ADGRE3: variants seen among roughly 807,000 people sequenced by gnomAD.
ADGRE3 encodes the protein adhesion G protein-coupled receptor E3, also known as EGF-like module receptor 3.
Under a neutral mutation model 80.1 loss-of-function variants are expected in ADGRE3, and 88 were observed. The observed-to-expected ratio is 1.10, with a 90% confidence interval of 0.93 to 1.31. The LOEUF (loss-of-function observed/expected upper bound fraction) is 1.31, where lower values mean the gene tolerates loss of function less well. Among genes scored for constraint, ADGRE3 ranks in the 40% most tolerant of loss-of-function variants. The probability of loss-of-function intolerance (pLI) is 0.00; values close to 1 mark genes in which losing one functional copy is unlikely to be tolerated. For synonymous variants in ADGRE3, 281 were observed against 294.8 expected (o/e 0.95, Z 0.48); for missense variants, 715 against 776.5 (o/e 0.92, Z 0.94).
At position 14,649,145 on chromosome 19, in the gene ADGRE3, T is replaced by C. The variant is rs1358400478; in HGVS notation, c.698-1780A>G. Among the ~76,000 whole-genome samples the C allele has an allele frequency of 2.7e-5, 4 of 149,672 alleles. No homozygotes were observed. In the East Asian group the frequency reaches 8.0e-4, roughly 30 times the overall value. On this transcript the variant is annotated intron_variant, in intron 7 of 15. Coordinates refer to ENST00000253673, the MANE Select transcript of ADGRE3 (RefSeq NM_032571.5). ...CGAATTCCGTCTCTCTCTCCACATC[T>C]CTCTCTTTCCATCTCTCTCCCCATC...
chr19:14,670,738 T>G (rs1972233362), intron 1 of ADGRE3, among the ~76,000 whole-genome samples: 1 of 152,204 alleles, frequency 6.6e-6, no homozygotes, highest in African/African-American at 2.4e-5. Context: ...ATCTCTGCTT[T>G]TCAGATTAAG....
intron 15 of ADGRE3, 121 bp from the exon 16 acceptor site, chr19:14,619,592 T>C (rs891909646): frequency 1.9e-5 from 14 of 740,446 alleles, no homozygotes; most frequent in Admixed American, 4.6e-5. Flanking sequence ...CAGGCAAGGA[T>C]GGCATGATCT....
downstream of ADGRE3, among the ~76,000 whole-genome samples, chr19:14,618,223 A>G (rs573483274): frequency 6.6e-6 from 1 of 152,236 alleles, no homozygotes; most frequent in Non-Finnish European, 1.5e-5. Flanking sequence ...CGATTACCTC[A>G]TATAACTTTT....
At chr19:14,672,531 G>A (rs1306909234) in intron 1 of ADGRE3, among the ~76,000 whole-genome samples, 1 of 152,202 alleles carries the variant, frequency 6.6e-6, no homozygotes, top group Non-Finnish European at 1.5e-5. Context: ...GTCCTCCACT[G>A]ATACTGGCTG....
chr19:14,609,508 C>T, the ADGRE3 span, among the ~76,000 whole-genome samples: 1 of 152,140 alleles, frequency 6.6e-6, no homozygotes. Flanking sequence ...AAGAAAGAGT[C>T]CTTGGAAGAC....
At chr19:14,605,455 T>C in the ADGRE3 span, among the ~76,000 whole-genome samples, 1 of 152,152 alleles carries the variant, frequency 6.6e-6, no homozygotes, top group Admixed American at 6.6e-5. Context: ...TAGATGTGAT[T>C]TGCATATAGT....
At chr19:14,673,896 T>C (rs1972319471) in intron 1 of ADGRE3, among the ~76,000 whole-genome samples, 1 of 152,146 alleles carries the variant, frequency 6.6e-6, no homozygotes, top group Non-Finnish European at 1.5e-5. Flanking sequence ...CCCTCAGCCT[T>C]CCCAGTCTTC....
At chr19:14,651,813 AG>A (rs1376651758) in intron 6 of ADGRE3, among the ~76,000 whole-genome samples, 1 of 152,100 alleles carries the variant, frequency 6.6e-6, no homozygotes, top group African/African-American at 2.4e-5. Context: ...AGGCCATGGC[AG>A]GTGGATTGCT....
chr19:14,611,269 A>C, the ADGRE3 span: 1 of 150,020 alleles, frequency 6.7e-6, no homozygotes, highest in Non-Finnish European at 1.5e-5. Flanking sequence ...CATCAAAATT[A>C]TTTTTGACCA....
At chr19:14,657,418 CTT>C (rs1206358398) in intron 5 of ADGRE3, among the ~76,000 whole-genome samples, 6 of 152,006 alleles carry the variant, frequency 3.9e-5, no homozygotes, top group African/African-American at 7.2e-5. Context: ...TATACTCTCT[CTT>C]GGCCTGTCTT....
rs745334443 is a variant in ADGRE3, at chr19:14,647,301, A to T, written c.762T>A (p.Phe254Leu). The change falls in exon 8 of 16, where the codon TTT becomes TTA. Residue 254 changes from phenylalanine (F) to leucine (L), a missense_variant. Transcript: ENST00000253673. ...CTTGATCTTTCTTATCCATCTCTTCAAAAAAAGTTGCATTTATGATGTTTC... is the reference window on the plus strand; with the variant it reads ...CTTGATCTTTCTTATCCATCTCTTCTAAAAAAGTTGCATTTATGATGTTTC... ...SLGNIINATF[F>L]EEMDKKDQVY... The T allele has an allele frequency of 6.2e-7, 1 of 1,612,546 alleles. No homozygotes were observed. Among genetic ancestry groups the T allele is most frequent in the African/African-American group, 1.3e-5 (1 of 74,888 alleles).
At chr19:14,662,790 AG>A (rs1228510926) in intron 3 of ADGRE3, among the ~76,000 whole-genome samples, 3 of 148,932 alleles carry the variant, frequency 2.0e-5, no homozygotes, top group African/African-American at 7.4e-5. Flanking sequence ...ATCCCTGGCC[AG>A]GTGCAGGGTT....
In ADGRE3 at chr19:14,655,169, TG is replaced by T. The variant is rs1971718732; in HGVS notation, c.394-5del. 1 of 1,602,344 alleles carries T rather than the reference TG, an allele frequency of 6.2e-7. No individual in the cohort carries two copies. The highest frequency in any genetic ancestry group is 1.4e-5 in the African/African-American group (1 of 73,962). On this transcript the variant is annotated splice_region_variant and splice_polypyrimidine_tract_variant and intron_variant, in intron 5 of 15. Transcript: ENST00000253673. ...ATTTGTCCACAATCTTTTGCAGCTT[TG>T]AAGACATAAAGAATTTTCATTTTTT...
Position 14,628,237 on chromosome 19 carries a change from T to C in ADGRE3, c.1812+1802A>G, listed in dbSNP as rs143594550. On this transcript the variant is annotated intron_variant, in intron 14 of 15. Coordinates refer to ENST00000253673, the MANE Select transcript of ADGRE3 (RefSeq NM_032571.5). ...TAAGGGAAGAGTACATATAAGTGTT[T>C]TGCGTATGCTCATGTGAAACCCCAT... Among the ~76,000 whole-genome samples, 65 of 151,636 alleles carry C rather than the reference T, an allele frequency of 4.3e-4. 1 individual carries two copies. The East Asian group carries it at 0.011, about 26-fold the overall frequency.
In ADGRE3 at chr19:14,647,226, G is replaced by T. The variant is rs770652590; in HGVS notation, c.837C>A (p.Asn279Lys). 6.2e-7 allele frequency: 1 copy of T among 1,613,916 alleles called. No individual in the cohort carries two copies. The highest frequency in any genetic ancestry group is 8.5e-7 in the Non-Finnish European group (1 of 1,179,934). Residue 279 changes from asparagine (N) to lysine (K), a missense_variant, in exon 8 of 16, where the codon AAC becomes AAA. Asn to Lys is a moderately conservative substitution (Grantham distance 94). Coordinates refer to ENST00000253673, the MANE Select transcript of ADGRE3 (RefSeq NM_032571.5). ...GCGTCACAGACTTGGAGAGAGACAC[G>T]TTCCTTTTGGGTCCAATAGCAGCAC... ...VVSAAIGPKR[N>K]VSLSKSVTLT...
intron 4 of ADGRE3, among the ~76,000 whole-genome samples, chr19:14,659,213 T>G (rs370746687): frequency 6.9e-6 from 1 of 143,908 alleles, no homozygotes; most frequent in Non-Finnish European, 1.6e-5. Context: ...TTTTTTTTTT[T>G]TGTATTTTTT....
intron 15 of ADGRE3, among the ~76,000 whole-genome samples, chr19:14,620,434 A>T: frequency 7.0e-6 from 1 of 143,708 alleles, no homozygotes; most frequent in South Asian, 2.1e-4. Context: ...ATATGAATAT[A>T]TATGTATATT....
the ADGRE3 span, among the ~76,000 whole-genome samples, chr19:14,612,127 T>A: frequency 1.3e-5 from 2 of 152,220 alleles, no homozygotes; most frequent in Non-Finnish European, 2.9e-5. Context: ...CTACTGTGTG[T>A]TAGTTTGCTG....
Position 14,662,060 on chromosome 19 carries a change from G to T in ADGRE3, c.258C>A (p.Tyr86Ter), listed in dbSNP as rs769458599. 9.9e-6 allele frequency: 16 copies of T among 1,613,936 alleles called. No homozygotes were observed. The highest frequency in any genetic ancestry group is 1.3e-5 in the African/African-American group (1 of 74,940). ...SVYCGFNAVCYNVEGSFYCQC... is the reference protein window; with the variant it reads ...SVYCGFNAVC Reference sequence around the variant, plus strand: ...GACAGTAGAAACTTCCTTCGACATTGTAACACACAGCGTTAAATCCACAAT... The same window carrying T: ...GACAGTAGAAACTTCCTTCGACATTTTAACACACAGCGTTAAATCCACAAT... Residue 86 changes from tyrosine (Y) to a stop codon, truncating the protein, a stop_gained, in exon 4 of 16, where the codon TAC (tyrosine) becomes TAA (stop). Transcript: ENST00000253673. LOFTEE classifies it high-confidence loss of function.
Sources: gnomAD v4.1 joint callset for allele counts (sites outside exome capture counted in the v4.1 genomes callset) on GRCh38, gnomAD v4.1.1 for gene constraint, MANE v1.5 for transcripts, NCBI Gene and HGNC (gene_info 2026-07-23, HGNC 2026-07-21) for gene names.